Variants in CTSA observed in about 807,000 individuals in gnomAD.
CTSA encodes cathepsin A.
A neutral mutation model predicts 66.7 loss-of-function variants in CTSA; 42 were observed. That is an observed-to-expected ratio of 0.63 (90% confidence interval 0.49 to 0.81). The LOEUF is 0.81. CTSA is among the 40% of genes least tolerant of loss of function. CTSA has a pLI of 0.00. For synonymous variants in CTSA, 225 were observed against 248.6 expected, an observed-to-expected ratio of 0.91 and a Z score of 0.89; for missense variants, 525 against 610.9, an observed-to-expected ratio of 0.86 and a Z score of 1.48.
At chr20:45,892,922 T>C in intron 6 of CTSA, 42 bp downstream of exon 6, 1 of 1,610,192 alleles carries the variant, frequency 6.2e-7, no homozygotes, top group Non-Finnish European at 8.5e-7. Flanking sequence ...AGCTTGAGGC[T>C]GTGGCCTTAC....
Position 45,898,645 on chromosome 20 carries a change from C to T in CTSA, c.*195C>T. ...CCTGGGGGCAAGTTAGCACTTTATTCCCGCAGCAGTTCCTGAATGGGGTGG... is the reference window on the plus strand; with the variant it reads ...CCTGGGGGCAAGTTAGCACTTTATTTCCGCAGCAGTTCCTGAATGGGGTGG... On this transcript the variant is annotated 3_prime_UTR_variant, in exon 15 of 15. Coordinates refer to ENST00000646241, the MANE Select transcript of CTSA (RefSeq NM_000308.4). The surrounding 1 kb of genome is among the most constrained non-coding windows in gnomAD (Gnocchi z 4.6). 1.4e-6 allele frequency: 1 copy of T among 698,498 alleles called. No homozygotes were observed. The highest frequency in any genetic ancestry group is 2.5e-6 in the Non-Finnish European group (1 of 396,800). 43.3% of individuals were successfully genotyped at this position (698,498 alleles called of 1,614,324 possible). A position where few individuals can be genotyped will look rare whatever the true frequency, so the allele number is the denominator to read the frequency against.
chr20:45,893,216 A>C lies in CTSA; in HGVS notation c.601-4A>C, dbSNP rs750972094. The stretch of plus-strand genomic sequence containing the variant: ...ATGAGCTGAGCACCCTGGGTGTTTC[A>C]CAGGGGCTGGCTGTGGGCAATGGAC... On this transcript the variant is annotated splice_polypyrimidine_tract_variant and splice_region_variant and intron_variant, in intron 6 of 14. Coordinates refer to ENST00000646241, the MANE Select transcript of CTSA (RefSeq NM_000308.4). 5.6e-6 allele frequency: 9 copies of C among 1,613,134 alleles called. No individual in the cohort carries two copies. In the South Asian group the frequency reaches 8.8e-5, roughly 16 times the overall value.
intron 7 of CTSA, chr20:45,893,550 T>C (rs1394703752): frequency 3.7e-6 from 2 of 544,438 alleles, no homozygotes; most frequent in Admixed American, 6.2e-5. Context: ...TGGCACGATC[T>C]TAGCTCACTG....
At chr20:45,896,904 C>T (rs1252121507) in intron 11 of CTSA, 61 bp from the exon 12 acceptor site, 3 of 1,332,762 alleles carry the variant, frequency 2.3e-6, no homozygotes, top group Non-Finnish European at 2.2e-6. Context: ...AAGGTCTGAT[C>T]TGTTGACTAC....
chr20:45,898,189 T>G lies in CTSA; in HGVS notation c.1359+80T>G. ...CACCCGTCCTTTCCCTCTGGCTGCC[T>G]TTTAGGCTGGGTCATGGGTCACCAT... On this transcript the variant is annotated intron_variant, in intron 14 of 14. Coordinates refer to ENST00000646241, the MANE Select transcript of CTSA (RefSeq NM_000308.4). The surrounding 1 kb of genome is among the most constrained non-coding windows in gnomAD (Gnocchi z 4.6). The G allele has an allele frequency of 6.7e-7, 1 of 1,491,666 alleles. No homozygotes were observed. Among genetic ancestry groups the G allele is most frequent in the Non-Finnish European group, 9.3e-7 (1 of 1,077,196 alleles). The allele number at this position is 1,491,666 out of a possible 1,614,324, so 92.4% of individuals were successfully genotyped here.
Position 45,898,245 on chromosome 20 carries a change from GA to G in CTSA, c.1360-121del. On this transcript the variant is annotated intron_variant, in intron 14 of 14. Coordinates refer to ENST00000646241, the MANE Select transcript of CTSA (RefSeq NM_000308.4). This position sits in a 1 kb window ranked among gnomAD's most constrained non-coding sequence, Gnocchi z 4.6. ...CCCTGTATGGGCAAGTTTTTTTGGAGAGGGGTGGGGAGGGTTCTGGGAAGAA... is the reference window on the plus strand; with the variant it reads ...CCCTGTATGGGCAAGTTTTTTTGGAGGGGGTGGGGAGGGTTCTGGGAAGAA... The G allele has an allele frequency of 7.7e-7, 1 of 1,298,252 alleles. No homozygotes were observed. Among genetic ancestry groups the G allele is most frequent in the South Asian group, 1.2e-5 (1 of 80,264 alleles). The allele number at this position is 1,298,252 out of a possible 1,614,324, so 80.4% of individuals were successfully genotyped here.
At position 45,891,342 on chromosome 20, in the gene CTSA, G is replaced by C; in HGVS notation, c.-38G>C. On this transcript the variant is annotated 5_prime_UTR_variant, in exon 1 of 15. Transcript: ENST00000646241. The surrounding 1 kb of genome is among the most constrained non-coding windows in gnomAD (Gnocchi z 4.6). The stretch of plus-strand genomic sequence containing the variant: ...CTCGTACACATGACTTCCAGTCCCC[G>C]GGCGCCTCCTGGAGAGCAAGGACGC... The C allele has an allele frequency of 1.9e-6, 3 of 1,569,984 alleles. No homozygotes were observed. In the East Asian group the frequency reaches 7.0e-5, roughly 37 times the overall value.
Position 45,894,078 on chromosome 20 carries a change from G to T in CTSA, c.777+6G>T, listed in dbSNP as rs1987112926. The stretch of plus-strand genomic sequence containing the variant: ...ACCTGGAATGCGTGACCAATGTGAG[G>T]TTCTGCCATCACTTTGCATGAGCTC... On this transcript the variant is annotated splice_donor_region_variant and intron_variant, in intron 8 of 14. Transcript: ENST00000646241. 2 of 1,593,656 alleles carry T rather than the reference G, an allele frequency of 1.3e-6. No homozygotes were observed. The highest frequency in any genetic ancestry group is 1.3e-5 in the African/African-American group (1 of 74,486).
intron 12 of CTSA, 138 bp downstream of exon 12, chr20:45,897,178 T>C: frequency 1.3e-6 from 1 of 769,548 alleles, no homozygotes; most frequent in Non-Finnish European, 2.3e-6. Context: ...GTCCTGTGAT[T>C]GGTGGGGTCA....
In CTSA at chr20:45,894,353, T is replaced by C. The variant is rs548131198; in HGVS notation, c.777+281T>C. 8.6e-5 allele frequency: 52 copies of C among 608,078 alleles called. No homozygotes were observed. In the South Asian group the frequency reaches 8.8e-4, roughly 10 times the overall value. The allele number at this position is 608,078 out of a possible 1,614,324, so 37.7% of individuals were successfully genotyped here. A position where few individuals can be genotyped will look rare whatever the true frequency, so the allele number is the denominator to read the frequency against. On this transcript the variant is annotated intron_variant, in intron 8 of 14. Transcript: ENST00000646241. ...TGCTGAACTGTGTCTATGTAGATTATTTAAGCTTCAAGATTCCCCCTCAAA... is the reference window on the plus strand; with the variant it reads ...TGCTGAACTGTGTCTATGTAGATTACTTAAGCTTCAAGATTCCCCCTCAAA...
At chr20:45,894,766 A>T (rs750983180) in intron 9 of CTSA, 25 bp downstream of exon 9, 49 of 1,611,534 alleles carry the variant, frequency 3.0e-5, no homozygotes, top group Non-Finnish European at 3.9e-5. Flanking sequence ...GTGCCCCTGG[A>T]GCCAACCCCA....
chr20:45,896,730 C>T (rs2083110989), intron 11 of CTSA: 1 of 547,146 alleles, frequency 1.8e-6, no homozygotes, highest in South Asian at 2.0e-5. Context: ...AGCCACCACG[C>T]CCAGCATCCC....
Position 45,893,247 on chromosome 20 carries a change from T to C in CTSA, c.628T>C (p.Ser210Pro), listed in dbSNP as rs761885951. ...QGLAVGNGLS[S>P]YEQNDNSLVY... ...GCTGGCTGTGGGCAATGGACTCTCC[T>C]CCTATGAGCAGAATGACAACTCCCT... Residue 210 changes from serine (S) to proline (P), a missense_variant, in exon 7 of 15, where the codon TCC becomes CCC. Physicochemically the swap from Ser to Pro is moderately conservative, Grantham distance 74 (BLOSUM62 -1). This residue lies in a region of CTSA where 246 missense variants were observed against 267.4 expected (regional missense o/e 0.92). Coordinates refer to ENST00000646241, the MANE Select transcript of CTSA (RefSeq NM_000308.4). 6.2e-7 allele frequency: 1 copy of C among 1,614,104 alleles called. No homozygotes were observed. Among genetic ancestry groups the C allele is most frequent in the Admixed American group, 1.7e-5 (1 of 60,000 alleles).
chr20:45,898,243 G>A lies in CTSA; in HGVS notation c.1360-124G>A, dbSNP rs1308753171. On this transcript the variant is annotated intron_variant, in intron 14 of 14. Transcript: ENST00000646241. The surrounding 1 kb of genome is among the most constrained non-coding windows in gnomAD (Gnocchi z 4.6). ...GCCCCTGTATGGGCAAGTTTTTTTG[G>A]AGAGGGGTGGGGAGGGTTCTGGGAA... is the stretch of plus-strand genomic sequence containing the variant. 7.6e-7 allele frequency: 1 copy of A among 1,321,394 alleles called. No individual in the cohort carries two copies. The highest frequency in any genetic ancestry group is 1.1e-6 in the Non-Finnish European group (1 of 934,536). 81.9% of individuals were successfully genotyped at this position (1,321,394 alleles called of 1,614,324 possible).
Position 45,891,657 on chromosome 20 carries a change from C to G in CTSA, c.89C>G (p.Pro30Arg). The change falls in exon 2 of 15, where the codon CCC (proline) becomes CGC (arginine). Residue 30 changes from proline to arginine, a missense_variant. By Grantham distance (103) the Pro-to-Arg change is moderately radical. Coordinates refer to ENST00000646241, the MANE Select transcript of CTSA (RefSeq NM_000308.4). This position sits in a 1 kb window ranked among gnomAD's most constrained non-coding sequence, Gnocchi z 4.6. ...VSWASRGEAA[P>R]DQDEIQRLPG... ...TGGGCGTCCCGAGGCGAGGCAGCCCCCGACCAGGACGAGATCCAGCGCCTC... is the reference window on the plus strand; with the variant it reads ...TGGGCGTCCCGAGGCGAGGCAGCCCGCGACCAGGACGAGATCCAGCGCCTC... 3 of 1,612,572 alleles carry G rather than the reference C, an allele frequency of 1.9e-6. No homozygotes were observed. The highest frequency in any genetic ancestry group is 2.5e-6 in the Non-Finnish European group (3 of 1,179,890).
rs763420130 is a variant in CTSA, at chr20:45,898,070, C to G, written c.1320C>G (p.Phe440Leu). Residue 440 changes from phenylalanine (F) to leucine (L), a missense_variant, in exon 14 of 15, where the codon TTC becomes TTG. Phe to Leu is a conservative substitution (Grantham distance 22). Around this residue, in one of 3 missense-constraint regions of CTSA, gnomAD observed 274 missense variants for 321.1 expected, o/e 0.85. Coordinates refer to ENST00000646241, the MANE Select transcript of CTSA (RefSeq NM_000308.4). This position sits in a 1 kb window ranked among gnomAD's most constrained non-coding sequence, Gnocchi z 4.6. ...ACAGCGGGGAGCAGATTGCCGGCTT[C>G]GTGAAGGAGTTCTCCCACATCGCCT... ...YGDSGEQIAG[F>L]VKEFSHIAFL... The G allele has an allele frequency of 6.2e-7, 1 of 1,613,964 alleles. No homozygotes were observed. Among genetic ancestry groups the G allele is most frequent in the Non-Finnish European group, 8.5e-7 (1 of 1,180,022 alleles).
At chr20:45,897,928 C>A in intron 13 of CTSA, 77 bp from the exon 14 acceptor site, 1 of 1,567,442 alleles carries the variant, frequency 6.4e-7, no homozygotes, top group Non-Finnish European at 8.8e-7. Context: ...TGGAGGAATT[C>A]CCAGCCCTAA....
rs1315207101 is a variant in CTSA, at chr20:45,895,108, C to T, written c.1063C>T (p.Gln355Ter). Residue 355 changes from glutamine (Q) to a stop codon, truncating the protein, a stop_gained, in exon 11 of 15, where the codon CAG becomes TAG. Coordinates refer to ENST00000646241, the MANE Select transcript of CTSA (RefSeq NM_000308.4). LOFTEE classifies it high-confidence loss of function. ...GCGGAAGGCCCTCAACATCCCGGAG[C>T]AGCTGCCACAATGGGACATGTGCAA... ...YVRKALNIPEQLPQWDMCNFL... is the reference protein window; with the variant it reads ...YVRKALNIPE 3.1e-6 allele frequency: 5 copies of T among 1,614,054 alleles called. No individual in the cohort carries two copies. In the African/African-American group the frequency reaches 5.3e-5, roughly 17 times the overall value.
intron 12 of CTSA, chr20:45,897,313 G>A: frequency 1.8e-6 from 1 of 543,310 alleles, no homozygotes; most frequent in South Asian, 2.0e-5. Flanking sequence ...GCCAGCAGAG[G>A]TCCAGGGTGG....
Sources: allele counts gnomAD v4.1 joint callset, GRCh38; gene constraint gnomAD v4.1.1; regional missense constraint gnomAD v4.1.1; non-coding constraint Gnocchi (gnomAD v3.1); transcripts MANE v1.5; gene names NCBI Gene and HGNC (gene_info 2026-07-23, HGNC 2026-07-21).